SRPRB: variants seen among roughly 807,000 people sequenced by gnomAD.
The protein encoded by SRPRB is signal recognition particle receptor subunit beta.
Under a neutral mutation model 31.9 loss-of-function variants are expected in SRPRB, and 20 were observed. The ratio of observed to expected loss-of-function variants is 0.63; its 90% CI spans 0.44 to 0.91. SRPRB has a LOEUF of 0.91. Ranked by LOEUF, SRPRB falls within the 40% of genes least tolerant of loss-of-function variation. The probability of loss-of-function intolerance (pLI) is 0.00; values close to 1 mark genes in which losing one functional copy is unlikely to be tolerated. For missense variants in SRPRB, 321 were observed against 324.9 expected, an observed-to-expected ratio of 0.99 and a Z score of 0.09; for synonymous variants, 146 against 132.8, an observed-to-expected ratio of 1.10 and a Z score of -0.68.
At chr3:133,811,651 C>T (rs1168945896) in intron 4 of SRPRB, among the ~76,000 whole-genome samples, 3 of 147,856 alleles carry the variant, frequency 2.0e-5, no homozygotes, top group Admixed American at 6.7e-5. Context: ...GGTGTGATCT[C>T]GGCTCACTGC....
Position 133,819,710 on chromosome 3 carries a change from G to A in SRPRB, c.760G>A (p.Asp254Asn), listed in dbSNP as rs1353043643. The A allele has an allele frequency of 4.3e-6, 7 of 1,614,126 alleles. No individual in the cohort carries two copies. The highest frequency in any genetic ancestry group is 2.2e-5 in the East Asian group (1 of 44,882). ...LECSAKGGRG[D>N]VGSADIQDLE... is the part of the protein sequence containing the mutation. ...GTGCAGTGCCAAGGGTGGAAGAGGGGACGTGGGCTCTGCTGACATCCAGGA... is the reference window on the plus strand; with the variant it reads ...GTGCAGTGCCAAGGGTGGAAGAGGGAACGTGGGCTCTGCTGACATCCAGGA... The change falls in exon 7 of 7, where the codon GAC becomes AAC. Residue 254 changes from aspartate to asparagine, a missense_variant. Coordinates refer to ENST00000678299, the MANE Select transcript of SRPRB (RefSeq NM_001379313.1).
intron 1 of SRPRB, chr3:133,788,349 A>G (rs949327754): frequency 2.6e-5 from 4 of 152,272 alleles, no homozygotes; most frequent in African/African-American, 4.8e-5. Flanking sequence ...CAAGTAACCA[A>G]TGGAAACCTT....
chr3:133,802,912 C>T (rs1003188155), upstream of SRPRB, among the ~76,000 whole-genome samples: 1 of 152,176 alleles, frequency 6.6e-6, no homozygotes, highest in Non-Finnish European at 1.5e-5. Flanking sequence ...AGCCCTCTCC[C>T]GTTGAGGTCC....
chr3:133,789,171 G>A (rs1405243118), intron 1 of SRPRB: 1 of 152,238 alleles, frequency 6.6e-6, no homozygotes, highest in Admixed American at 6.5e-5. Flanking sequence ...GCAGTTCTAA[G>A]GACTAGTACT....
chr3:133,805,177 T>C (rs190438339), upstream of SRPRB, among the ~76,000 whole-genome samples: 3 of 152,340 alleles, frequency 2.0e-5, no homozygotes, highest in East Asian at 5.8e-4. Flanking sequence ...ATTTTCCTAG[T>C]TGCTTCCTTT....
intron 1 of SRPRB, chr3:133,787,172 G>C (rs980206131): frequency 6.6e-6 from 1 of 152,046 alleles, no homozygotes; most frequent in Non-Finnish European, 1.5e-5. Flanking sequence ...TGCAACATTT[G>C]GTCTCTAGAT....
chr3:133,805,032 T>C (rs1488500074), upstream of SRPRB, among the ~76,000 whole-genome samples: 2 of 152,184 alleles, frequency 1.3e-5, no homozygotes, highest in Admixed American at 6.5e-5. Flanking sequence ...AAATCTGCCT[T>C]TATTGCTTCT....
intron 1 of SRPRB, chr3:133,787,606 G>A (rs539291776): frequency 6.6e-6 from 1 of 152,296 alleles, no homozygotes; most frequent in South Asian, 2.1e-4. Flanking sequence ...GTTTGCAAGT[G>A]GGATTGTTAA....
At chr3:133,786,370 G>A (rs973798654) in intron 1 of SRPRB, 3 of 151,630 alleles carry the variant, frequency 2.0e-5, no homozygotes, top group East Asian at 2.0e-4. Context: ...GTTTTGGTTG[G>A]GGGGGGTGGC....
chr3:133,815,616 C>T lies in SRPRB; in HGVS notation c.437C>T (p.Ala146Val). Reference sequence around the variant, plus strand: ...GCTATTGTGTTTGTTGTGGATAGTGCAGCATTCCAGCGAGAGGTGAAAGAT... The same window carrying T: ...GCTATTGTGTTTGTTGTGGATAGTGTAGCATTCCAGCGAGAGGTGAAAGAT... The part of the protein sequence containing the change: ...ARAIVFVVDS[A>V]AFQREVKDVA... Residue 146 changes from alanine to valine, a missense_variant, in exon 5 of 7, where the codon GCA (alanine) becomes GTA (valine). By Grantham distance (64) the Ala-to-Val change is moderately conservative. Coordinates refer to ENST00000678299, the MANE Select transcript of SRPRB (RefSeq NM_001379313.1). 6.2e-7 allele frequency: 1 copy of T among 1,613,836 alleles called. No homozygotes were observed. Among genetic ancestry groups the T allele is most frequent in the Middle Eastern group, 1.7e-4 (1 of 6,060 alleles).
chr3:133,789,819 G>A (rs1934782590), intron 1 of SRPRB: 1 of 149,654 alleles, frequency 6.7e-6, no homozygotes, highest in Non-Finnish European at 1.5e-5. Context: ...GAGGTGTTAG[G>A]GTTTGGCATA....
At chr3:133,806,725 CCT>C (rs752484953) in intron 2 of SRPRB, 22 bp downstream of exon 2, 1 of 1,571,732 alleles carries the variant, frequency 6.4e-7, no homozygotes, top group Non-Finnish European at 8.8e-7. Context: ...CATTGACACC[CCT>C]GTTAAGCTTA....
downstream of SRPRB, chr3:133,824,780 A>G (rs913375591): frequency 6.6e-6 from 1 of 152,138 alleles, no homozygotes; most frequent in African/African-American, 2.4e-5. Flanking sequence ...GTCCTAACCA[A>G]AAAGAGTAGA....
upstream of SRPRB, among the ~76,000 whole-genome samples, chr3:133,802,790 T>C (rs768889649): frequency 6.6e-6 from 1 of 152,230 alleles, no homozygotes; most frequent in Non-Finnish European, 1.5e-5. Flanking sequence ...TTGTGTTTAC[T>C]CATCACTTGC....
At chr3:133,788,434 G>A (rs1412748319) in intron 1 of SRPRB, 1 of 152,220 alleles carries the variant, frequency 6.6e-6, no homozygotes, top group Non-Finnish European at 1.5e-5. Flanking sequence ...CTCCCACCCT[G>A]TGGAGCGTAC....
chr3:133,819,491 T>C (rs1935428006), intron 6 of SRPRB, 62 bp from the exon 7 acceptor site: 2 of 1,452,504 alleles, frequency 1.4e-6, no homozygotes, highest in African/African-American at 2.1e-5. Flanking sequence ...GTTTAGAAAC[T>C]AATATGATTT....
At chr3:133,827,365 CTG>C (rs1935581170), downstream of SRPRB, 1 of 152,516 alleles carries the variant, frequency 6.6e-6, no homozygotes, top group South Asian at 2.1e-4. Context: ...GCACCTGGCT[CTG>C]TGCAGGCTCA....
intron 4 of SRPRB, among the ~76,000 whole-genome samples, chr3:133,812,035 C>T (rs977590065): frequency 3.3e-5 from 5 of 152,138 alleles, no homozygotes; most frequent in African/African-American, 4.8e-5. Flanking sequence ...TTTTTGGTCT[C>T]TAACATTAAT....
intron 1 of SRPRB, chr3:133,792,966 G>T (rs1357608076): frequency 2.0e-5 from 3 of 152,120 alleles, no homozygotes; most frequent in Non-Finnish European, 4.4e-5. Context: ...ATTATAAAAG[G>T]TTTATGAGAA....
Sources: allele counts gnomAD v4.1 joint callset (sites outside exome capture counted in the v4.1 genomes callset), GRCh38; gene constraint gnomAD v4.1.1; transcripts MANE v1.5; gene names NCBI Gene and HGNC (gene_info 2026-07-23, HGNC 2026-07-21).